Variants in PLCXD3 observed in about 807,000 individuals in gnomAD.
PLCXD3 encodes phosphatidylinositol specific phospholipase C X domain containing 3.
In PLCXD3, 19 loss-of-function variants were observed where a neutral mutation model predicts 25.5. That is an observed-to-expected ratio of 0.75 (90% CI 0.52 to 1.09). The LOEUF (loss-of-function observed/expected upper bound fraction) is 1.09, where lower values mean the gene tolerates loss of function less well. PLCXD3 is among the 50% of genes least tolerant of loss of function. PLCXD3 has a pLI of 0.00. For missense variants in PLCXD3, 411 were observed against 388.1 expected (o/e 1.06, Z -0.50); for synonymous variants, 174 against 137.6 (o/e 1.26, Z -1.85).
intron 1 of PLCXD3, among the ~76,000 whole-genome samples, chr5:41,455,232 G>T (rs1042247059): frequency 1.3e-5 from 2 of 151,888 alleles, no homozygotes; most frequent in Non-Finnish European, 1.5e-5. Flanking sequence ...AAATATGAAA[G>T]CATACATTTC....
chr5:41,403,404 T>TTTG (rs1424890397), intron 1 of PLCXD3, among the ~76,000 whole-genome samples: 2 of 34,646 alleles, frequency 5.8e-5, no homozygotes, highest in Non-Finnish European at 7.4e-5. Context: ...ATTTGTTGTT[T>TTTG]TTTTTTTTTT....
At chr5:41,428,366 TA>T (rs1212062202) in intron 1 of PLCXD3, among the ~76,000 whole-genome samples, 1 of 147,432 alleles carries the variant, frequency 6.8e-6, no homozygotes, top group Non-Finnish European at 1.5e-5. Flanking sequence ...GTGATTAAGT[TA>T]AAATGAGTTT....
At chr5:41,371,016 G>C (rs181904775) in intron 2 of PLCXD3, among the ~76,000 whole-genome samples, 2 of 152,112 alleles carry the variant, frequency 1.3e-5, no homozygotes, top group Non-Finnish European at 2.9e-5. Flanking sequence ...TAAGATCACA[G>C]AGAAAGAAAG....
chr5:41,341,366 C>G (rs550674634), intron 2 of PLCXD3, among the ~76,000 whole-genome samples: 2 of 152,294 alleles, frequency 1.3e-5, no homozygotes, highest in African/African-American at 4.8e-5. Context: ...AATCGCTGAT[C>G]CTTTCTGTGC....
intron 1 of PLCXD3, among the ~76,000 whole-genome samples, chr5:41,438,420 C>T (rs1214827889): frequency 6.6e-6 from 1 of 152,122 alleles, no homozygotes; most frequent in Admixed American, 6.5e-5. Context: ...GCCCTTTCCC[C>T]GACTAGTTCT....
chr5:41,323,999 G>A (rs1433287834), intron 2 of PLCXD3, among the ~76,000 whole-genome samples: 1 of 152,134 alleles, frequency 6.6e-6, no homozygotes, highest in Non-Finnish European at 1.5e-5. Context: ...CTTATATGCA[G>A]GACAGAGAGC....
intron 1 of PLCXD3, among the ~76,000 whole-genome samples, chr5:41,476,704 G>T (rs1174984032): frequency 6.6e-6 from 1 of 152,178 alleles, no homozygotes; most frequent in Non-Finnish European, 1.5e-5. Flanking sequence ...CTGTGAATGT[G>T]ACCATATGCT....
chr5:41,396,056 T>C (rs1745994810), intron 1 of PLCXD3, among the ~76,000 whole-genome samples: 1 of 151,282 alleles, frequency 6.6e-6, no homozygotes, highest in African/African-American at 2.4e-5. Flanking sequence ...CCAATATCTC[T>C]GATGAATATT....
In PLCXD3 at chr5:41,399,682, C is replaced by CA. The variant is rs200400152; in HGVS notation, c.104-17149dup. On this transcript the variant is annotated intron_variant, in intron 1 of 2. Coordinates refer to ENST00000377801, the MANE Select transcript of PLCXD3 (RefSeq NM_001005473.3). ...ACTAGACCCTGTCTATTACCATATA[C>CA]AAAAAAAAATCAAAATTGTATTAAA... 8.3e-4 allele frequency among the ~76,000 whole-genome samples: 125 copies of CA among 150,940 alleles called. 1 individual carries two copies. Among genetic ancestry groups the CA allele is most frequent in the Middle Eastern group, 6.8e-3 (2 of 292 alleles).
intron 1 of PLCXD3, among the ~76,000 whole-genome samples, chr5:41,462,825 C>T (rs1747922823): frequency 6.6e-6 from 1 of 151,596 alleles, no homozygotes; most frequent in South Asian, 2.1e-4. Flanking sequence ...ATGGGCCCAA[C>T]TTTGAAAAAT....
chr5:41,362,309 G>A (rs1377806921), intron 2 of PLCXD3, among the ~76,000 whole-genome samples: 1 of 152,126 alleles, frequency 6.6e-6, no homozygotes, highest in Non-Finnish European at 1.5e-5. Flanking sequence ...GTGATGTGTA[G>A]GGGGTGAAAA....
intron 1 of PLCXD3, among the ~76,000 whole-genome samples, chr5:41,502,074 G>A (rs1170685022): frequency 6.6e-6 from 1 of 152,060 alleles, no homozygotes; most frequent in Non-Finnish European, 1.5e-5. Context: ...CCATAGAGGT[G>A]GAGAAAACTG....
intron 1 of PLCXD3, among the ~76,000 whole-genome samples, chr5:41,421,596 G>C (rs542151641): frequency 6.6e-6 from 1 of 152,282 alleles, no homozygotes; most frequent in African/African-American, 2.4e-5. Flanking sequence ...AGCTACTCGG[G>C]AGGCTGAGGC....
chr5:41,492,116 T>G (rs1190089040), intron 1 of PLCXD3, among the ~76,000 whole-genome samples: 4 of 152,226 alleles, frequency 2.6e-5, no homozygotes, highest in Non-Finnish European at 4.4e-5. Flanking sequence ...AGGAGCTCTT[T>G]TAGGGCAGTC....
chr5:41,488,191 T>A (rs1327836389), intron 1 of PLCXD3, among the ~76,000 whole-genome samples: 1 of 150,960 alleles, frequency 6.6e-6, no homozygotes, highest in Non-Finnish European at 1.5e-5. Context: ...TGGTTTTTTG[T>A]TCTTGCGATA....
At chr5:41,467,977 G>T (rs1349835877) in intron 1 of PLCXD3, among the ~76,000 whole-genome samples, 5 of 130,602 alleles carry the variant, frequency 3.8e-5, no homozygotes, top group African/African-American at 1.4e-4. Context: ...AATATGTTTT[G>T]AAATCAGGAG....
intron 2 of PLCXD3, among the ~76,000 whole-genome samples, chr5:41,358,443 T>A (rs532007872): frequency 6.6e-6 from 1 of 152,154 alleles, no homozygotes; most frequent in Non-Finnish European, 1.5e-5. Flanking sequence ...AGTCTTTTAT[T>A]CCTCACCCCC....
At chr5:41,444,242 T>G (rs1747447802) in intron 1 of PLCXD3, among the ~76,000 whole-genome samples, 2 of 152,214 alleles carry the variant, frequency 1.3e-5, no homozygotes, top group South Asian at 4.1e-4. Flanking sequence ...TTGTTGACAC[T>G]TGTCCCCAAG....
chr5:41,352,218 C>T (rs1440202446), intron 2 of PLCXD3, among the ~76,000 whole-genome samples: 1 of 152,132 alleles, frequency 6.6e-6, no homozygotes, highest in Non-Finnish European at 1.5e-5. Flanking sequence ...TCCGGCCCTC[C>T]CCCATATGAG....
Sources: allele counts gnomAD v4.1 joint callset (sites outside exome capture counted in the v4.1 genomes callset), GRCh38; gene constraint gnomAD v4.1.1; transcripts MANE v1.5; gene names NCBI Gene and HGNC (gene_info 2026-07-23, HGNC 2026-07-21).